The following RIF1 variants were observed in gnomAD, a reference collection of about 807,000 sequenced individuals.
RIF1 encodes replication timing regulatory factor 1.
A neutral mutation model predicts 247.1 loss-of-function variants in RIF1; 45 were observed. That is an observed-to-expected ratio of 0.18 (90% CI 0.14 to 0.23). The LOEUF (loss-of-function observed/expected upper bound fraction) is 0.23, where lower values mean the gene tolerates loss of function less well. Ranked by LOEUF, RIF1 falls within the 10% of genes least tolerant of loss-of-function variation. The pLI is 1.00. For synonymous variants in RIF1, 1,087 were observed against 978.8 expected (o/e 1.11, Z -2.06); for missense variants, 2,967 against 2,862.5 (o/e 1.04, Z -0.83).
At chr2:151,488,750 A>G (rs552844692) in intron 9 of RIF1, among the ~76,000 whole-genome samples, 12 of 152,302 alleles carry the variant, frequency 7.9e-5, no homozygotes, top group Middle Eastern at 3.4e-3. Context: ...TGAGATGGGT[A>G]TCTAATTTTA....
At chr2:151,514,886 T>C in the RIF1 span, 1 of 1,587,898 alleles carries the variant, frequency 6.3e-7, no homozygotes, top group Non-Finnish European at 8.6e-7. Context: ...CCAGTCAGGT[T>C]TCTGCCTTTA....
chr2:151,490,246 T>G (rs894768025), intron 9 of RIF1: 1 of 1,276,568 alleles, frequency 7.8e-7, no homozygotes, highest in East Asian at 2.5e-5. Flanking sequence ...ACAATTCTAG[T>G]CTTTTCTCAT....
chr2:151,426,584 G>A (rs1689138153), intron 8 of RIF1, among the ~76,000 whole-genome samples: 1 of 152,034 alleles, frequency 6.6e-6, no homozygotes, highest in Non-Finnish European at 1.5e-5. Flanking sequence ...TGCATATAAT[G>A]CCTTGAGTAG....
chr2:151,457,661 A>G, intron 23 of RIF1, 100 bp from the exon 24 acceptor site: 2 of 765,540 alleles, frequency 2.6e-6, no homozygotes, highest in South Asian at 3.5e-5. Context: ...AGTGGGGGTT[A>G]GTTTAAAATT....
intron 11 of RIF1, chr2:151,501,567 A>G (rs999949576): frequency 3.3e-5 from 22 of 674,534 alleles, no homozygotes; most frequent in Non-Finnish European, 4.8e-5. Flanking sequence ...GCCTAAAAGA[A>G]GTATTTTTAT....
At position 151,473,994 on chromosome 2, in the gene RIF1, GT is replaced by G. The variant is rs1331641527; in HGVS notation, c.7131del (p.Phe2377LeufsTer8). On this transcript the variant is annotated frameshift_variant, in exon 35 of 36. Transcript: ENST00000444746. LOFTEE classifies it high-confidence loss of function. Reference protein sequence around the residue: ...VKTRGLEEIPVFDISEKTVNG... With the variant: ...VKTRGLEEIPXFDISEKTVNG... ...GACTCGTGGACTAGAAGAGATTCCA[GT>G]TTTTGATATTTCTGAAAAAACAGTA... 3 of 1,597,968 alleles carry G rather than the reference GT, an allele frequency of 1.9e-6. No homozygotes were observed. Among genetic ancestry groups the G allele is most frequent in the Admixed American group, 1.7e-5 (1 of 59,268 alleles).
intron 9 of RIF1, among the ~76,000 whole-genome samples, chr2:151,431,604 A>G (rs949586425): frequency 2.6e-5 from 4 of 152,188 alleles, no homozygotes; most frequent in African/African-American, 9.7e-5. Context: ...CCTGACCAAC[A>G]TGGAGAAACC....
chr2:151,428,718 G>A, intron 8 of RIF1, 66 bp from the exon 9 acceptor site: 1 of 1,243,364 alleles, frequency 8.0e-7, no homozygotes, highest in Non-Finnish European at 1.2e-6. Flanking sequence ...ATGAATAAAG[G>A]AATGATAGCA....
At chr2:151,443,408 AGTT>A in intron 17 of RIF1, 79 bp downstream of exon 17, 1 of 1,308,440 alleles carries the variant, frequency 7.6e-7, no homozygotes, top group Admixed American at 2.4e-5. Flanking sequence ...CTATTTCATA[AGTT>A]TAAGTTTTTT....
chr2:151,491,430 C>A, intron 9 of RIF1: 1 of 341,738 alleles, frequency 2.9e-6, no homozygotes, highest in South Asian at 3.6e-5. Flanking sequence ...ACTGTTTTTT[C>A]TTTGGAAGAA....
intron 27 of RIF1, among the ~76,000 whole-genome samples, 171 bp downstream of exon 27, chr2:151,461,460 C>T (rs932859352): frequency 7.3e-5 from 11 of 150,334 alleles, no homozygotes; most frequent in African/African-American, 2.5e-4. Flanking sequence ...GGTGCCATCT[C>T]GGCTCACTGC....
At chr2:151,452,067 T>C (rs562326985) in intron 21 of RIF1, among the ~76,000 whole-genome samples, 1 of 152,346 alleles carries the variant, frequency 6.6e-6, no homozygotes, top group African/African-American at 2.4e-5. Context: ...TAAAATGTTT[T>C]TATTTGCAAG....
At chr2:151,506,584 A>G (rs1018677953) in intron 13 of RIF1, among the ~76,000 whole-genome samples, 2 of 152,192 alleles carry the variant, frequency 1.3e-5, no homozygotes, top group Non-Finnish European at 2.9e-5. Context: ...ATGCAAACTC[A>G]GTCAGTTATT....
chr2:151,505,952 G>C (rs2068549294), intron 12 of RIF1: 2 of 589,268 alleles, frequency 3.4e-6, no homozygotes, highest in Non-Finnish European at 6.1e-6. Flanking sequence ...AAGCCTCTCT[G>C]TTTTTCAGAT....
chr2:151,519,584 T>C, the RIF1 span: 3 of 1,082,468 alleles, frequency 2.8e-6, no homozygotes, highest in African/African-American at 4.7e-5. Context: ...TAAATGCTAC[T>C]GAATTGCACA....
At chr2:151,490,194 GAAATC>G in intron 9 of RIF1, 3 of 1,175,022 alleles carry the variant, frequency 2.6e-6, no homozygotes, top group Non-Finnish European at 3.6e-6. Context: ...TCCAAAAAGA[GAAATC>G]AAAGAAAATG....
the RIF1 span, among the ~76,000 whole-genome samples, chr2:151,521,643 CCTT>C: frequency 3.9e-5 from 6 of 152,302 alleles, no homozygotes; most frequent in South Asian, 2.1e-4. Flanking sequence ...TAAAAGTCCT[CCTT>C]CTGTCTTTTA....
intron 34 of RIF1, among the ~76,000 whole-genome samples, chr2:151,470,832 T>C (rs1481295200): frequency 6.6e-6 from 1 of 152,170 alleles, no homozygotes; most frequent in Admixed American, 6.5e-5. Flanking sequence ...TCTCACAGAT[T>C]GAATTTAGTT....
the RIF1 span, among the ~76,000 whole-genome samples, chr2:151,522,777 A>G: frequency 6.6e-6 from 1 of 152,210 alleles, no homozygotes; most frequent in African/African-American, 2.4e-5. Flanking sequence ...ATGCCTCATC[A>G]TAGGGGTGTC....
Sources: gnomAD v4.1 joint callset for allele counts (sites outside exome capture counted in the v4.1 genomes callset) on GRCh38, gnomAD v4.1.1 for gene constraint, MANE v1.5 for transcripts, NCBI Gene and HGNC (gene_info 2026-07-23, HGNC 2026-07-21) for gene names.